ADAMTSL1: variants seen among roughly 807,000 people sequenced by gnomAD.
ADAMTSL1 encodes ADAMTS-like protein 1.
In ADAMTSL1, 126 loss-of-function variants were observed where a neutral mutation model predicts 201.8. The observed-to-expected ratio is 0.62, with a 90% confidence interval of 0.54 to 0.72. The LOEUF (loss-of-function observed/expected upper bound fraction) is 0.72. ADAMTSL1 is among the 30% of genes least tolerant of loss of function. ADAMTSL1 has a pLI of 0.00. For synonymous variants in ADAMTSL1, 1,121 were observed against 903.4 expected, an observed-to-expected ratio of 1.24 and a Z score of -4.32; for missense variants, 2,679 against 2,277.8, an observed-to-expected ratio of 1.18 and a Z score of -3.59.
chr9:18,735,737 C>G (rs1363327179), intron 15 of ADAMTSL1, among the ~76,000 whole-genome samples: 1 of 101,936 alleles, frequency 9.8e-6, no homozygotes, highest in East Asian at 2.6e-4. Context: ...AGTCAGACGG[C>G]ATTCTTTTTT....
chr9:18,212,864 T>A (rs1180664992), intron 2 of ADAMTSL1, among the ~76,000 whole-genome samples: 2 of 152,150 alleles, frequency 1.3e-5, no homozygotes, highest in African/African-American at 4.8e-5. Flanking sequence ...TTCCCCACAA[T>A]GGTCATAAGA....
intron 4 of ADAMTSL1, among the ~76,000 whole-genome samples, chr9:18,603,816 A>G (rs2132554374): frequency 6.6e-6 from 1 of 152,292 alleles, no homozygotes. Context: ...CATCTTCCCA[A>G]ACTGACACTC....
chr9:18,748,541 GAA>G (rs1189951708), intron 15 of ADAMTSL1, among the ~76,000 whole-genome samples: 1 of 152,170 alleles, frequency 6.6e-6, no homozygotes, highest in Non-Finnish European at 1.5e-5. Context: ...AGTTTGTCAC[GAA>G]AAGAGTTTAC....
intron 4 of ADAMTSL1, among the ~76,000 whole-genome samples, chr9:18,585,830 A>T (rs1335923451): frequency 6.6e-6 from 1 of 152,222 alleles, no homozygotes; most frequent in Admixed American, 6.5e-5. Flanking sequence ...TATTCATCAC[A>T]TAAATAGAAC....
intron 2 of ADAMTSL1, among the ~76,000 whole-genome samples, chr9:18,448,677 C>T (rs957395841): frequency 6.6e-6 from 1 of 152,094 alleles, no homozygotes; most frequent in Non-Finnish European, 1.5e-5. Flanking sequence ...ATATATTGGA[C>T]ATTTATCTCA....
intron 5 of ADAMTSL1, among the ~76,000 whole-genome samples, chr9:18,626,130 A>G (rs997985028): frequency 1.3e-5 from 2 of 152,208 alleles, no homozygotes; most frequent in African/African-American, 4.8e-5. Context: ...CCACTCAAGG[A>G]TATATTCATT....
At chr9:18,766,028 C>T (rs1001129677) in intron 16 of ADAMTSL1, among the ~76,000 whole-genome samples, 2 of 151,766 alleles carry the variant, frequency 1.3e-5, no homozygotes, top group Non-Finnish European at 2.9e-5. Context: ...GAGAAACAAG[C>T]TTGACATGTT....
rs150848668 is a variant in ADAMTSL1 at position 18,604,657 on chromosome 9, A to G, written c.475-17586A>G. ...ATATATAACATTTTATCCATTTGGC[A>G]TCTATGGACACTTGGGTTGTTTCCC... On this transcript the variant is annotated intron_variant, in intron 4 of 28. Coordinates refer to ENST00000380548, the MANE Select transcript of ADAMTSL1 (RefSeq NM_001040272.6). Among the ~76,000 whole-genome samples the G allele has an allele frequency of 9.3e-3, 1,411 of 152,292 alleles. 17 individuals are homozygous for G. The highest frequency in any genetic ancestry group is 0.033 in the African/African-American group (1,356 of 41,558).
At chr9:18,692,282 C>A (rs1831274637) in intron 13 of ADAMTSL1, among the ~76,000 whole-genome samples, 1 of 152,186 alleles carries the variant, frequency 6.6e-6, no homozygotes, top group Admixed American at 6.5e-5. Flanking sequence ...TCTCTCTACT[C>A]TGAGTTAAAT....
chr9:18,857,823 T>C lies in ADAMTSL1; in HGVS notation c.4249+27846T>C, dbSNP rs993930820. Among the ~76,000 whole-genome samples the C allele has an allele frequency of 2.0e-5, 3 of 152,202 alleles. No individual in the cohort carries two copies. In the South Asian group the frequency reaches 6.2e-4, roughly 31 times the overall value. ...TATCCTAACTTCTTTTATTTTAAAG[T>C]AAAACATTCCCCAGATGCAGCCAAT... On this transcript the variant is annotated intron_variant, in intron 23 of 28. Transcript: ENST00000380548.
chr9:18,206,010 C>T (rs926556420), intron 2 of ADAMTSL1, among the ~76,000 whole-genome samples: 5 of 119,744 alleles, frequency 4.2e-5, no homozygotes, highest in Admixed American at 1.2e-4. Context: ...GCTGAGATCA[C>T]GTCATTGCAC....
At chr9:18,228,403 ATTC>A (rs1830510535) in intron 2 of ADAMTSL1, among the ~76,000 whole-genome samples, 1 of 150,750 alleles carries the variant, frequency 6.6e-6, no homozygotes, top group Non-Finnish European at 1.5e-5. Context: ...ACAAAGGTAA[ATTC>A]TTCTCCTTCT....
chr9:18,564,899 G>A (rs2084966278), intron 3 of ADAMTSL1, among the ~76,000 whole-genome samples: 2 of 152,130 alleles, frequency 1.3e-5, no homozygotes, highest in East Asian at 1.9e-4. Context: ...ACTCTAAAAT[G>A]ACAAACTACA....
intron 2 of ADAMTSL1, among the ~76,000 whole-genome samples, chr9:18,174,354 A>T (rs1215091659): frequency 6.6e-6 from 1 of 152,130 alleles, no homozygotes; most frequent in Non-Finnish European, 1.5e-5. Context: ...AAGGCAGTTG[A>T]AAAGGAGTGG....
intron 19 of ADAMTSL1, among the ~76,000 whole-genome samples, chr9:18,786,822 C>G (rs1821737561): frequency 6.6e-6 from 1 of 152,226 alleles, no homozygotes; most frequent in Non-Finnish European, 1.5e-5. Context: ...GCTATCATCT[C>G]TGAGCTGATA....
chr9:17,921,230 G>C (rs1032996095), intron 1 of ADAMTSL1, among the ~76,000 whole-genome samples: 10 of 152,094 alleles, frequency 6.6e-5, no homozygotes, highest in African/African-American at 2.4e-4. Flanking sequence ...TTTTGAACCA[G>C]TATTCCTAGC....
At chr9:18,529,141 A>G (rs1326033949) in intron 2 of ADAMTSL1, among the ~76,000 whole-genome samples, 1 of 152,228 alleles carries the variant, frequency 6.6e-6, no homozygotes, top group Non-Finnish European at 1.5e-5. Context: ...AATTTCATAA[A>G]TTTTAACTTT....
intron 2 of ADAMTSL1, among the ~76,000 whole-genome samples, chr9:18,258,046 T>C (rs1471458607): frequency 6.6e-6 from 1 of 152,208 alleles, no homozygotes; most frequent in Non-Finnish European, 1.5e-5. Context: ...ATCTTGGTGA[T>C]AGCTGCACAA....
intron 9 of ADAMTSL1, 134 bp downstream of exon 9, chr9:18,662,207 T>G (rs1829139982): frequency 8.2e-7 from 1 of 1,219,950 alleles, no homozygotes; most frequent in Non-Finnish European, 1.1e-6. Context: ...CCAGTGTTCA[T>G]TACTAATCAC....
Sources: allele counts gnomAD v4.1 joint callset (sites outside exome capture counted in the v4.1 genomes callset), GRCh38; gene constraint gnomAD v4.1.1; transcripts MANE v1.5; gene names NCBI Gene and HGNC (gene_info 2026-07-23, HGNC 2026-07-21).